The following FRMD4B variants were observed in gnomAD, a reference collection of about 807,000 sequenced individuals.
The protein encoded by FRMD4B is FERM domain containing 4B, also known as FERM domain-containing protein 4B.
Under a neutral mutation model 141.5 loss-of-function variants are expected in FRMD4B, and 74 were observed. That is an observed-to-expected ratio of 0.52 (90% CI 0.43 to 0.63). The LOEUF (loss-of-function observed/expected upper bound fraction) is 0.63, where lower values mean the gene tolerates loss of function less well. Ranked by LOEUF, FRMD4B falls within the 30% of genes least tolerant of loss-of-function variation. The pLI is 0.00. For missense variants in FRMD4B, 1,366 were observed against 1,253.4 expected, an observed-to-expected ratio of 1.09 and a Z score of -1.36; for synonymous variants, 506 against 467.9, an observed-to-expected ratio of 1.08 and a Z score of -1.05.
intron 1 of FRMD4B, among the ~76,000 whole-genome samples, chr3:69,532,215 G>T (rs910210528): frequency 1.3e-5 from 2 of 152,184 alleles, no homozygotes; most frequent in Non-Finnish European, 2.9e-5. Flanking sequence ...TACTGAATAA[G>T]CCACACTCTC....
intron 1 of FRMD4B, chr3:69,535,686 G>C (rs56257752): frequency 7.0e-5 from 23 of 326,280 alleles, no homozygotes; most frequent in Admixed American, 1.1e-4. Flanking sequence ...GGCTAGATAC[G>C]TCAGATGAGG....
chr3:69,495,377 C>T (rs1031198987), intron 1 of FRMD4B, among the ~76,000 whole-genome samples: 1 of 152,228 alleles, frequency 6.6e-6, no homozygotes, highest in African/African-American at 2.4e-5. Flanking sequence ...TCCAAACCCC[C>T]TTTAGAAAGA....
chr3:69,314,761 G>C (rs775779344), intron 1 of FRMD4B, among the ~76,000 whole-genome samples: 2 of 152,166 alleles, frequency 1.3e-5, no homozygotes, highest in Admixed American at 1.3e-4. Flanking sequence ...CTTTGGCCTG[G>C]GAGGTTGAGG....
chr3:69,196,401 G>A lies in FRMD4B; in HGVS notation c.1093-5C>T. The A allele has an allele frequency of 6.2e-7, 1 of 1,602,550 alleles. No homozygotes were observed. The highest frequency in any genetic ancestry group is 8.5e-7 in the Non-Finnish European group (1 of 1,173,762). On this transcript the variant is annotated splice_region_variant and splice_polypyrimidine_tract_variant and intron_variant, in intron 13 of 22. Coordinates refer to ENST00000398540, the MANE Select transcript of FRMD4B (RefSeq NM_015123.3). ...CCTGGCTGAAGGAATTTTTGCCTAA[G>A]AGGCATACAACAATGAAACAGAATT...
intron 1 of FRMD4B, among the ~76,000 whole-genome samples, chr3:69,465,871 T>C (rs1705775936): frequency 6.6e-6 from 1 of 152,222 alleles, no homozygotes; most frequent in Non-Finnish European, 1.5e-5. Flanking sequence ...TGTGTCTTTA[T>C]AGGAGCATGA....
At chr3:69,286,962 G>T (rs1488173867) in intron 5 of FRMD4B, among the ~76,000 whole-genome samples, 1 of 152,142 alleles carries the variant, frequency 6.6e-6, no homozygotes, top group East Asian at 1.9e-4. Context: ...ACACCACCAC[G>T]CCTAGCTAAT....
chr3:69,313,421 T>C (rs372231924), intron 2 of FRMD4B, 31 bp downstream of exon 2: 2 of 1,502,810 alleles, frequency 1.3e-6, no homozygotes, highest in Non-Finnish European at 1.8e-6. Context: ...GCAAGACTTA[T>C]CTGGGCAACA....
chr3:69,283,407 A>AC, intron 5 of FRMD4B, among the ~76,000 whole-genome samples: 1 of 9,060 alleles, frequency 1.1e-4, no homozygotes. Flanking sequence ...ACAACAAACA[A>AC]AAAACAAAAA....
intron 1 of FRMD4B, among the ~76,000 whole-genome samples, chr3:69,532,625 C>A (rs966170211): frequency 2.6e-5 from 4 of 152,204 alleles, no homozygotes; most frequent in African/African-American, 9.6e-5. Flanking sequence ...CCCTCTCTCC[C>A]CAGCCCCTCC....
At chr3:69,225,690 G>A (rs1288596687) in intron 7 of FRMD4B, among the ~76,000 whole-genome samples, 9 of 45,506 alleles carry the variant, frequency 2.0e-4, no homozygotes, top group African/African-American at 6.6e-4. Flanking sequence ...GCAAGACTCC[G>A]TCTCAAAAAA....
chr3:69,535,883 G>A (rs1007879291), intron 1 of FRMD4B: 3 of 432,692 alleles, frequency 6.9e-6, no homozygotes, highest in Admixed American at 2.8e-5. Context: ...AGGAAGCAAT[G>A]CCATTCTTGA....
At chr3:69,506,313 G>A (rs1336818309) in intron 1 of FRMD4B, among the ~76,000 whole-genome samples, 1 of 151,978 alleles carries the variant, frequency 6.6e-6, no homozygotes, top group African/African-American at 2.4e-5. Context: ...AATTAGGGGA[G>A]GCATTTTACA....
intron 5 of FRMD4B, among the ~76,000 whole-genome samples, chr3:69,282,930 C>A (rs1052410513): frequency 2.0e-5 from 3 of 152,086 alleles, no homozygotes; most frequent in African/African-American, 7.2e-5. Flanking sequence ...AGCTACCACA[C>A]CCAGCCATCT....
At chr3:69,243,614 G>A (rs1429496338) in intron 7 of FRMD4B, among the ~76,000 whole-genome samples, 3 of 152,120 alleles carry the variant, frequency 2.0e-5, no homozygotes, top group Non-Finnish European at 4.4e-5. Flanking sequence ...AGTAGTGTGT[G>A]GTGGAATCAG....
intron 2 of FRMD4B, among the ~76,000 whole-genome samples, chr3:69,414,861 GTTTTTTTTTTTT>G (rs5849900): frequency 1.0e-5 from 1 of 98,044 alleles, no homozygotes; most frequent in Non-Finnish European, 1.9e-5. Context: ...CGAACAAGCT[GTTTTTTTTTTTT>G]TTTTTTTTTT....
chr3:69,220,955 T>C (rs1275761284), intron 9 of FRMD4B, among the ~76,000 whole-genome samples: 1 of 151,246 alleles, frequency 6.6e-6, no homozygotes, highest in Non-Finnish European at 1.5e-5. Context: ...TTTAAAAGTT[T>C]AGTGTAGCAA....
chr3:69,463,772 C>A (rs955088728), intron 1 of FRMD4B, among the ~76,000 whole-genome samples: 2 of 152,126 alleles, frequency 1.3e-5, no homozygotes, highest in Non-Finnish European at 2.9e-5. Flanking sequence ...AATCCATAAG[C>A]AAACTTTGGC....
intron 1 of FRMD4B, among the ~76,000 whole-genome samples, chr3:69,466,152 C>T (rs1705783436): frequency 6.6e-6 from 1 of 152,146 alleles, no homozygotes; most frequent in Admixed American, 6.6e-5. Flanking sequence ...CGATGATGAG[C>T]ATTCTTTCAT....
chr3:69,309,730 A>T (rs1701513648), intron 3 of FRMD4B, among the ~76,000 whole-genome samples: 1 of 151,344 alleles, frequency 6.6e-6, no homozygotes, highest in Non-Finnish European at 1.5e-5. Context: ...TACAAGTGTG[A>T]ACTATCACAC....
Sources: allele counts gnomAD v4.1 joint callset (sites outside exome capture counted in the v4.1 genomes callset), GRCh38; gene constraint gnomAD v4.1.1; transcripts MANE v1.5; gene names NCBI Gene and HGNC (gene_info 2026-07-23, HGNC 2026-07-21).